The following OGA variants were observed in gnomAD, a reference collection of about 807,000 sequenced individuals.
The protein encoded by OGA is O-GlcNAcase.
Under a neutral mutation model 102.0 loss-of-function variants are expected in OGA, and 21 were observed. The ratio of observed to expected loss-of-function variants is 0.21; its 90% CI spans 0.15 to 0.30. The LOEUF (loss-of-function observed/expected upper bound fraction) is 0.30, where lower values mean the gene tolerates loss of function less well. Among genes scored for constraint, OGA ranks in the 10% least tolerant of loss-of-function variants. The pLI is 1.00. For synonymous variants in OGA, 408 were observed against 378.2 expected, an observed-to-expected ratio of 1.08 and a Z score of -0.91; for missense variants, 765 against 1,107.8, an observed-to-expected ratio of 0.69 and a Z score of 4.39.
intron 7 of OGA, among the ~76,000 whole-genome samples, chr10:101,801,334 G>A (rs2065388758): frequency 6.6e-6 from 1 of 151,474 alleles, no homozygotes; most frequent in African/African-American, 2.4e-5. Flanking sequence ...AAAGGTTGCA[G>A]TGAGCTGAGA....
intron 10 of OGA, among the ~76,000 whole-genome samples, chr10:101,796,728 G>A (rs189086276): frequency 8.6e-5 from 13 of 152,002 alleles, no homozygotes; most frequent in Non-Finnish European, 1.6e-4. Context: ...GCGCCACCAC[G>A]CCTGGCTAAT....
intron 3 of OGA, chr10:101,812,721 C>A: frequency 7.0e-6 from 3 of 427,656 alleles, no homozygotes; most frequent in South Asian, 6.2e-5. Flanking sequence ...CTGGGCCTAG[C>A]CCAGCTCCAG....
At chr10:101,787,759 GCT>G (rs139475608) in intron 14 of OGA, 22,796 of 356,728 alleles carry the variant, frequency 0.064, no homozygotes, top group East Asian at 0.088. Context: ...GCGTGCACGC[GCT>G]CTCTCTCTCT....
chr10:101,797,931 T>A (rs756568632), intron 10 of OGA, 49 bp downstream of exon 10: 16 of 1,561,038 alleles, frequency 1.0e-5, no homozygotes, highest in Middle Eastern at 2.3e-4. Flanking sequence ...TAATTTTTTT[T>A]AAAGGGACAA....
chr10:101,810,544 C>G (rs1275711041), intron 3 of OGA, among the ~76,000 whole-genome samples: 1 of 152,204 alleles, frequency 6.6e-6, no homozygotes, highest in Non-Finnish European at 1.5e-5. Context: ...CCTTTGAAAT[C>G]TGAACCAACA....
At chr10:101,812,421 A>G (rs1212311719) in intron 3 of OGA, among the ~76,000 whole-genome samples, 1 of 152,054 alleles carries the variant, frequency 6.6e-6, no homozygotes, top group Non-Finnish European at 1.5e-5. Flanking sequence ...AAACAAAACA[A>G]AACAAAACAA....
chr10:101,795,029 T>C (rs747192439), intron 10 of OGA, among the ~76,000 whole-genome samples: 3 of 152,192 alleles, frequency 2.0e-5, no homozygotes, highest in Non-Finnish European at 4.4e-5. Context: ...TGTATCTGGT[T>C]TGTCATTTTT....
At chr10:101,811,406 G>GCAAAAAAAAAAA in intron 3 of OGA, among the ~76,000 whole-genome samples, 1 of 45,704 alleles carries the variant, frequency 2.2e-5, no homozygotes, top group Non-Finnish European at 3.7e-5. Flanking sequence ...GAAAAAAAAT[G>GCAAAAAAAAAAA]AAAAAAAAAA....
intron 4 of OGA, among the ~76,000 whole-genome samples, chr10:101,808,691 C>T (rs531792723): frequency 4.6e-5 from 7 of 152,156 alleles, no homozygotes; most frequent in Middle Eastern, 3.4e-3. Flanking sequence ...AAAATGGGGC[C>T]GGGCGCAGTG....
chr10:101,810,538 T>C (rs1282098681), intron 3 of OGA, among the ~76,000 whole-genome samples: 1 of 152,220 alleles, frequency 6.6e-6, no homozygotes, highest in Non-Finnish European at 1.5e-5. Context: ...TTCACACCTT[T>C]GAAATCTGAA....
chr10:101,809,371 A>T (rs1032578196), intron 4 of OGA, among the ~76,000 whole-genome samples: 2 of 152,222 alleles, frequency 1.3e-5, no homozygotes, highest in African/African-American at 4.8e-5. Context: ...GAGAAGAACT[A>T]GTACCTCCAG....
chr10:101,799,226 C>T lies in OGA; in HGVS notation c.1425G>A (p.Thr475=), dbSNP rs760086804. The T allele has an allele frequency of 2.5e-6, 4 of 1,613,986 alleles. No homozygotes were observed. The highest frequency in any genetic ancestry group is 2.7e-5 in the African/African-American group (2 of 74,886). Reference sequence around the variant, plus strand: ...GTATTTGATTGTCATTCTTGTGGTCCGTTTCTTCTTGTTTTTCCACCACCA... The same window carrying T: ...GTATTTGATTGTCATTCTTGTGGTCTGTTTCTTCTTGTTTTTCCACCACCA... The part of the protein sequence containing the change: ...MDMVVEKQEE[T]DHKNDNQILS... The change falls in exon 9 of 16, where the codon ACG becomes ACA. Residue 475 remains threonine (T), a synonymous_variant. Coordinates refer to ENST00000361464, the MANE Select transcript of OGA (RefSeq NM_012215.5).
chr10:101,806,335 TG>T (rs1442818432), intron 5 of OGA, among the ~76,000 whole-genome samples, 192 bp from the exon 6 acceptor site: 32 of 152,198 alleles, frequency 2.1e-4, no homozygotes, highest in African/African-American at 6.3e-4. Flanking sequence ...CCCAAGCAGC[TG>T]GGACTACAGG....
At chr10:101,796,729 C>A (rs193077065) in intron 10 of OGA, among the ~76,000 whole-genome samples, 1 of 152,082 alleles carries the variant, frequency 6.6e-6, no homozygotes, top group East Asian at 1.9e-4. Context: ...CGCCACCACG[C>A]CTGGCTAATT....
At position 101,800,330 on chromosome 10, in the gene OGA, T is replaced by G; in HGVS notation, c.1107A>C (p.Glu369Asp). 6.2e-7 allele frequency: 1 copy of G among 1,612,972 alleles called. No individual in the cohort carries two copies. Among genetic ancestry groups the G allele is most frequent in the Non-Finnish European group, 8.5e-7 (1 of 1,178,908 alleles). ...TCTGTGGACTATAGAGTACATCAGTTTCAATATCTTCATCACTGCCTTCAT... is the reference window on the plus strand; with the variant it reads ...TCTGTGGACTATAGAGTACATCAGTGTCAATATCTTCATCACTGCCTTCAT... ...LENEGSDEDIETDVLYSPQMA... is the reference protein window; with the variant it reads ...LENEGSDEDIDTDVLYSPQMA... Residue 369 changes from glutamate to aspartate, a missense_variant, in exon 8 of 16, where the codon GAA becomes GAC. This residue lies in a region of OGA where 281 missense variants were observed against 345.8 expected (regional missense o/e 0.81). Coordinates refer to ENST00000361464, the MANE Select transcript of OGA (RefSeq NM_012215.5).
At position 101,799,107 on chromosome 10, in the gene OGA, G is replaced by A. The variant is rs1476692674; in HGVS notation, c.1544C>T (p.Ser515Phe). ...GTCACTAATACAATCTTCTTGCATG[G>A]ACATCTCTGGGGATTTTGATTCAGC... ...SIAESKSPEMSMQEDCISDIA... is the reference protein window; with the variant it reads ...SIAESKSPEMFMQEDCISDIA... The change falls in exon 9 of 16, where the codon TCC becomes TTC. Residue 515 changes from serine to phenylalanine, a missense_variant. Physicochemically the swap from Ser to Phe is radical, Grantham distance 155 (BLOSUM62 -2). Coordinates refer to ENST00000361464, the MANE Select transcript of OGA (RefSeq NM_012215.5). 1.2e-6 allele frequency: 2 copies of A among 1,614,226 alleles called. No homozygotes were observed. Among genetic ancestry groups the A allele is most frequent in the Non-Finnish European group, 1.7e-6 (2 of 1,180,036 alleles).
rs2065667434 is a variant in OGA at position 101,818,140 on chromosome 10, T to C, written c.-118A>G. On this transcript the variant is annotated 5_prime_UTR_variant, in exon 1 of 16. Transcript: ENST00000361464. ...CCAAGTGTGCGCCCCTCCGGCTCCT[T>C]CCCCTCCCCCTCTGCCCTTCCCCCT... 7.2e-7 allele frequency: 1 copy of C among 1,387,782 alleles called. No homozygotes were observed. Among genetic ancestry groups the C allele is most frequent in the Non-Finnish European group, 9.3e-7 (1 of 1,072,672 alleles). 86.0% of individuals were successfully genotyped at this position (1,387,782 alleles called of 1,614,324 possible). A position where few individuals can be genotyped will look rare whatever the true frequency, so the allele number is the denominator to read the frequency against.
At chr10:101,798,607 T>A (rs1589829380) in intron 9 of OGA, among the ~76,000 whole-genome samples, 1 of 151,902 alleles carries the variant, frequency 6.6e-6, no homozygotes, top group East Asian at 1.9e-4. Context: ...ACAGATGGGG[T>A]TTCACCATGT....
Position 101,804,037 on chromosome 10 carries a change from C to T in OGA, c.752-18G>A, listed in dbSNP as rs375267863. ...TTTGGGACCTAGAAATAACGACAAC[C>T]GTTCGTTAAAAGAATCATGGTTCTT... On this transcript the variant is annotated intron_variant, in intron 6 of 15. Coordinates refer to ENST00000361464, the MANE Select transcript of OGA (RefSeq NM_012215.5). 2.2e-5 allele frequency: 35 copies of T among 1,595,752 alleles called. No individual in the cohort carries two copies. In the African/African-American group the frequency reaches 2.6e-4, roughly 12 times the overall value.
Sources: allele counts gnomAD v4.1 joint callset (sites outside exome capture counted in the v4.1 genomes callset), GRCh38; gene constraint gnomAD v4.1.1; regional missense constraint gnomAD v4.1.1; transcripts MANE v1.5; gene names NCBI Gene and HGNC (gene_info 2026-07-23, HGNC 2026-07-21).